Variants in MAST4 observed in about 807,000 individuals in gnomAD.
The protein encoded by MAST4 is microtubule-associated serine/threonine-protein kinase 4.
A neutral mutation model predicts 162.7 loss-of-function variants in MAST4; 89 were observed. The observed-to-expected ratio is 0.55, with a 90% CI of 0.46 to 0.65. The LOEUF is 0.65. MAST4 is among the 30% of genes least tolerant of loss of function. MAST4 has a pLI of 0.00. For synonymous variants in MAST4, 1,479 were observed against 1,361.1 expected (o/e 1.09, Z -1.91); for missense variants, 3,153 against 3,374.0 (o/e 0.93, Z 1.62).
chr5:66,885,304 G>C (rs1428499964), intron 3 of MAST4, among the ~76,000 whole-genome samples: 1 of 152,144 alleles, frequency 6.6e-6, no homozygotes, highest in African/African-American at 2.4e-5. Flanking sequence ...GTACTTTGAA[G>C]TGGAAAATTC....
At chr5:66,893,288 C>A (rs1399808012) in intron 3 of MAST4, among the ~76,000 whole-genome samples, 1 of 152,128 alleles carries the variant, frequency 6.6e-6, no homozygotes, top group Non-Finnish European at 1.5e-5. Context: ...TCACTGCAAC[C>A]TCCGCCTTCT....
At chr5:66,892,972 C>T (rs896239759) in intron 3 of MAST4, among the ~76,000 whole-genome samples, 18 of 152,154 alleles carry the variant, frequency 1.2e-4, no homozygotes, top group African/African-American at 4.3e-4. Context: ...TATCATGACT[C>T]GGAGACTTTG....
At chr5:67,019,750 T>C (rs1187234703) in intron 4 of MAST4, among the ~76,000 whole-genome samples, 1 of 152,258 alleles carries the variant, frequency 6.6e-6, no homozygotes, top group African/African-American at 2.4e-5. Flanking sequence ...TGTCATGGAC[T>C]AAAATATATG....
intron 3 of MAST4, among the ~76,000 whole-genome samples, chr5:66,799,684 G>A (rs33719): frequency 0.49 from 74,517 of 151,966 alleles, 18,513 homozygotes; most frequent in East Asian, 0.65. Flanking sequence ...TTGTCCAGAG[G>A]GATCATGCTC....
At chr5:66,827,356 A>G (rs1757316389) in intron 3 of MAST4, among the ~76,000 whole-genome samples, 3 of 152,094 alleles carry the variant, frequency 2.0e-5, no homozygotes, top group Admixed American at 2.0e-4. Flanking sequence ...AAGTGGAAAA[A>G]CACCCTGACA....
At chr5:66,601,939 T>C (rs1414660063) in intron 1 of MAST4, among the ~76,000 whole-genome samples, 1 of 152,060 alleles carries the variant, frequency 6.6e-6, no homozygotes, top group East Asian at 1.9e-4. Flanking sequence ...TTTAGCAAAT[T>C]GTGTGGGGGT....
intron 1 of MAST4, among the ~76,000 whole-genome samples, chr5:66,640,086 C>T (rs1279050947): frequency 1.3e-5 from 2 of 152,134 alleles, no homozygotes; most frequent in Non-Finnish European, 2.9e-5. Context: ...CTACAACTCC[C>T]CATTCCCCCA....
chr5:66,912,098 AG>A (rs1207619391), intron 4 of MAST4, among the ~76,000 whole-genome samples: 2 of 152,192 alleles, frequency 1.3e-5, no homozygotes, highest in South Asian at 2.1e-4. Flanking sequence ...GAAATTGAGC[AG>A]GGCATTTGAT....
chr5:66,604,439 G>C (rs979042575), intron 1 of MAST4, among the ~76,000 whole-genome samples: 5 of 152,170 alleles, frequency 3.3e-5, no homozygotes, highest in Non-Finnish European at 7.3e-5. Flanking sequence ...GATGGTAGGT[G>C]GGAGGGAAGA....
chr5:67,073,646 A>G (rs750812961), intron 5 of MAST4, among the ~76,000 whole-genome samples: 71 of 152,226 alleles, frequency 4.7e-4, no homozygotes, highest in Non-Finnish European at 8.8e-4. Context: ...AACACATATC[A>G]GAAAGTGACA....
chr5:66,961,345 C>A (rs1048021935), intron 4 of MAST4, among the ~76,000 whole-genome samples: 2 of 152,170 alleles, frequency 1.3e-5, no homozygotes, highest in African/African-American at 2.4e-5. Flanking sequence ...TTTGAATGTT[C>A]ATCAGACATT....
chr5:66,812,768 T>G (rs1580513777), intron 3 of MAST4, among the ~76,000 whole-genome samples: 1 of 152,278 alleles, frequency 6.6e-6, no homozygotes, highest in East Asian at 1.9e-4. Flanking sequence ...CGGGGCGCTG[T>G]CAGTGGGTTT....
At chr5:66,700,790 T>TACACAC (rs1301662032) in intron 1 of MAST4, among the ~76,000 whole-genome samples, 3 of 106,836 alleles carry the variant, frequency 2.8e-5, no homozygotes, top group African/African-American at 1.1e-4. Context: ...ATTATATATA[T>TACACAC]ATATATATAT....
intron 1 of MAST4, among the ~76,000 whole-genome samples, chr5:66,682,627 GGA>G (rs1160423368): frequency 6.6e-6 from 1 of 152,232 alleles, no homozygotes; most frequent in African/African-American, 2.4e-5. Context: ...CAAAGAGTAA[GGA>G]GAGAAGTGAG....
chr5:67,078,875 TATAA>T (rs1413880904), intron 5 of MAST4, among the ~76,000 whole-genome samples: 1 of 113,698 alleles, frequency 8.8e-6, no homozygotes, highest in Non-Finnish European at 1.7e-5. Flanking sequence ...TATATATTTA[TATAA>T]ATATATTTAT....
chr5:66,709,802 T>C (rs1750381116), intron 1 of MAST4, among the ~76,000 whole-genome samples: 4 of 152,196 alleles, frequency 2.6e-5, no homozygotes, highest in Admixed American at 2.6e-4. Context: ...ACTTACTAGC[T>C]TTGTGTTTCC....
chr5:66,941,906 C>T (rs1037810747), intron 4 of MAST4, among the ~76,000 whole-genome samples: 1 of 152,028 alleles, frequency 6.6e-6, no homozygotes, highest in African/African-American at 2.4e-5. Flanking sequence ...GATGGGGGAA[C>T]GGCTGGTCGA....
intron 4 of MAST4, among the ~76,000 whole-genome samples, chr5:67,033,110 A>T (rs553344440): frequency 1.3e-5 from 2 of 152,096 alleles, no homozygotes; most frequent in Admixed American, 6.6e-5. Context: ...GGAGAATGGC[A>T]TTCCTTTGGA....
chr5:66,974,386 G>C (rs1747855561), intron 4 of MAST4, among the ~76,000 whole-genome samples: 1 of 152,202 alleles, frequency 6.6e-6, no homozygotes, highest in Non-Finnish European at 1.5e-5. Context: ...AGCTTTTCCA[G>C]ATGAGCTGCC....
Sources: gnomAD v4.1 joint callset for allele counts (sites outside exome capture counted in the v4.1 genomes callset) on GRCh38, gnomAD v4.1.1 for gene constraint, MANE v1.5 for transcripts, NCBI Gene and HGNC (gene_info 2026-07-23, HGNC 2026-07-21) for gene names.